ROBO2: variants seen among roughly 807,000 people sequenced by gnomAD.
ROBO2 encodes the protein roundabout guidance receptor 2, also known as roundabout homolog 2.
In ROBO2, 53 loss-of-function variants were observed where a neutral mutation model predicts 160.8. The observed-to-expected ratio is 0.33, with a 90% confidence interval of 0.26 to 0.41. The LOEUF is 0.41. Ranked by LOEUF, ROBO2 falls within the 10% of genes least tolerant of loss-of-function variation. ROBO2 has a pLI of 1.00. For missense variants in ROBO2, 1,577 were observed against 1,722.4 expected (o/e 0.92, Z 1.49); for synonymous variants, 664 against 611.7 (o/e 1.09, Z -1.26).
chr3:76,996,560 G>T (rs555788903), intron 2 of ROBO2, among the ~76,000 whole-genome samples: 16 of 152,142 alleles, frequency 1.1e-4, no homozygotes, highest in Middle Eastern at 3.4e-3. Context: ...CTATTTTCAT[G>T]GTATTGATTC....
At chr3:76,102,294 T>A (rs1181815140) in intron 2 of ROBO2, among the ~76,000 whole-genome samples, 1 of 152,188 alleles carries the variant, frequency 6.6e-6, no homozygotes, top group Admixed American at 6.5e-5. Context: ...AGGATAACAT[T>A]TGGATATACT....
intron 2 of ROBO2, among the ~76,000 whole-genome samples, chr3:76,046,664 A>T (rs1194821825): frequency 2.0e-5 from 3 of 152,026 alleles, no homozygotes; most frequent in East Asian, 3.9e-4. Context: ...TAAAATAAAA[A>T]AAGCCTGACT....
intron 6 of ROBO2, among the ~76,000 whole-genome samples, chr3:77,532,317 G>C (rs2091799900): frequency 6.6e-6 from 1 of 151,262 alleles, no homozygotes; most frequent in African/African-American, 2.4e-5. Context: ...TTTTTTTCTT[G>C]GCTGGGATTT....
intron 2 of ROBO2, among the ~76,000 whole-genome samples, chr3:76,712,214 C>T (rs191655697): frequency 3.9e-4 from 60 of 152,274 alleles, no homozygotes; most frequent in African/African-American, 1.2e-3. Context: ...TTGCAGAAAG[C>T]AAATCAATAG....
chr3:75,953,450 C>T (rs1269008738), intron 2 of ROBO2, among the ~76,000 whole-genome samples: 1 of 151,778 alleles, frequency 6.6e-6, no homozygotes, highest in Non-Finnish European at 1.5e-5. Context: ...TTTTCGAGTT[C>T]TTTGTATACT....
At chr3:76,988,960 A>G (rs2060525608) in intron 2 of ROBO2, among the ~76,000 whole-genome samples, 2 of 152,172 alleles carry the variant, frequency 1.3e-5, no homozygotes, top group Admixed American at 1.3e-4. Flanking sequence ...ATTAAGGTAT[A>G]TAATAAAATA....
At chr3:77,115,149 A>T (rs1451521468) in intron 2 of ROBO2, among the ~76,000 whole-genome samples, 1 of 152,150 alleles carries the variant, frequency 6.6e-6, no homozygotes, top group Non-Finnish European at 1.5e-5. Flanking sequence ...TTTTAATTTC[A>T]TTTCTGTCAA....
chr3:76,252,873 G>T (rs1706122499), intron 2 of ROBO2, among the ~76,000 whole-genome samples: 1 of 151,824 alleles, frequency 6.6e-6, no homozygotes, highest in Non-Finnish European at 1.5e-5. Flanking sequence ...GCCTCTAGGG[G>T]AGGCCTACAG....
chr3:75,956,907 C>T (rs763256136), intron 2 of ROBO2, among the ~76,000 whole-genome samples: 1 of 151,448 alleles, frequency 6.6e-6, no homozygotes, highest in Non-Finnish European at 1.5e-5. Flanking sequence ...AAATAGATAT[C>T]TCTTTCTTTC....
At chr3:76,656,717 T>G (rs2091540822) in intron 2 of ROBO2, among the ~76,000 whole-genome samples, 1 of 152,010 alleles carries the variant, frequency 6.6e-6, no homozygotes, top group South Asian at 2.1e-4. Context: ...ACCTCAGACC[T>G]CCGAGACATT....
chr3:77,333,609 C>G (rs1581140737), intron 2 of ROBO2, among the ~76,000 whole-genome samples: 2 of 152,148 alleles, frequency 1.3e-5, no homozygotes, highest in African/African-American at 4.8e-5. Context: ...CTGGCAATGA[C>G]TTTTTCTCAT....
chr3:76,587,005 T>G (rs1368530310), intron 2 of ROBO2, among the ~76,000 whole-genome samples: 1 of 152,186 alleles, frequency 6.6e-6, no homozygotes, highest in Non-Finnish European at 1.5e-5. Context: ...TTTGTAGAAC[T>G]AGAAATATGC....
intron 2 of ROBO2, among the ~76,000 whole-genome samples, chr3:76,202,195 G>C (rs537537710): frequency 6.6e-6 from 1 of 152,110 alleles, no homozygotes; most frequent in African/African-American, 2.4e-5. Flanking sequence ...GCAATGTTCT[G>C]TCTCACTTGA....
chr3:76,454,980 A>G (rs1479276148), intron 2 of ROBO2, among the ~76,000 whole-genome samples: 9 of 152,134 alleles, frequency 5.9e-5, no homozygotes, highest in Admixed American at 5.2e-4. Flanking sequence ...ATTTGGTAGG[A>G]TATTGCTGAT....
At chr3:77,631,522 TG>T (rs1201643052) in intron 23 of ROBO2, 12 of 152,292 alleles carry the variant, frequency 7.9e-5, no homozygotes, top group African/African-American at 2.9e-4. Flanking sequence ...GGTAGTTTTT[TG>T]TGTCATGAAT....
chr3:76,588,312 G>T (rs535808318), intron 2 of ROBO2, among the ~76,000 whole-genome samples: 1 of 152,160 alleles, frequency 6.6e-6, no homozygotes, highest in African/African-American at 2.4e-5. Flanking sequence ...ATGAAGAGAA[G>T]AATCTATTAA....
chr3:77,375,098 G>C (rs2072445388), intron 2 of ROBO2, among the ~76,000 whole-genome samples: 1 of 152,194 alleles, frequency 6.6e-6, no homozygotes, highest in Non-Finnish European at 1.5e-5. Context: ...TGTAGCCCTA[G>C]CAATTCAGGA....
chr3:77,226,438 T>G (rs1234669414), intron 2 of ROBO2, among the ~76,000 whole-genome samples: 1 of 152,058 alleles, frequency 6.6e-6, no homozygotes, highest in Non-Finnish European at 1.5e-5. Flanking sequence ...ATTCCTCCAC[T>G]CTTCATTACA....
At chr3:76,498,351 TTAGA>T (rs950150476) in intron 2 of ROBO2, among the ~76,000 whole-genome samples, 1 of 152,018 alleles carries the variant, frequency 6.6e-6, no homozygotes, top group African/African-American at 2.4e-5. Flanking sequence ...AAAACTTTAG[TTAGA>T]TAGGAATAAA....
Sources: allele counts gnomAD v4.1 joint callset (sites outside exome capture counted in the v4.1 genomes callset), GRCh38; gene constraint gnomAD v4.1.1; transcripts MANE v1.5; gene names NCBI Gene and HGNC (gene_info 2026-07-23, HGNC 2026-07-21).